The following GPR158 variants were observed in gnomAD, a reference collection of about 807,000 sequenced individuals.
The protein encoded by GPR158 is metabotropic glycine receptor.
GPR158 carries 30 observed loss-of-function variants against 78.2 expected under a neutral mutation model. That is an observed-to-expected ratio of 0.38 (90% CI 0.29 to 0.52). The LOEUF (loss-of-function observed/expected upper bound fraction) is 0.52. Ranked by LOEUF, GPR158 falls within the 20% of genes least tolerant of loss-of-function variation. The pLI is 0.83. For missense variants in GPR158, 1,463 were observed against 1,523.5 expected, an observed-to-expected ratio of 0.96 and a Z score of 0.66; for synonymous variants, 581 against 591.1, an observed-to-expected ratio of 0.98 and a Z score of 0.25.
chr10:25,301,105 C>T (rs1254170227), intron 2 of GPR158, among the ~76,000 whole-genome samples: 1 of 152,140 alleles, frequency 6.6e-6, no homozygotes, highest in Non-Finnish European at 1.5e-5. Context: ...TATGGTTATA[C>T]TTGCCATTCT....
chr10:25,208,694 C>T (rs180896363), intron 1 of GPR158, among the ~76,000 whole-genome samples: 14 of 152,038 alleles, frequency 9.2e-5, no homozygotes, highest in Non-Finnish European at 1.9e-4. Flanking sequence ...ATTTCCCGAC[C>T]ACATGGTGGC....
chr10:25,452,972 A>G (rs1474110742), intron 4 of GPR158, among the ~76,000 whole-genome samples: 1 of 152,200 alleles, frequency 6.6e-6, no homozygotes, highest in Non-Finnish European at 1.5e-5. Flanking sequence ...GAGTGAGATC[A>G]TGCAGTATTT....
intron 4 of GPR158, among the ~76,000 whole-genome samples, chr10:25,416,043 G>T (rs1481063393): frequency 2.6e-5 from 4 of 152,070 alleles, no homozygotes; most frequent in Non-Finnish European, 5.9e-5. Context: ...TTTTAAAGGA[G>T]TTTACATATT....
chr10:25,348,047 TC>T (rs1486204586), intron 2 of GPR158, among the ~76,000 whole-genome samples: 21 of 152,066 alleles, frequency 1.4e-4, no homozygotes, highest in African/African-American at 5.1e-4. Flanking sequence ...GGCCTCTTCC[TC>T]CACATTTCTG....
At chr10:25,453,175 A>G (rs7921635) in intron 4 of GPR158, among the ~76,000 whole-genome samples, 102,400 of 152,102 alleles carry the variant, frequency 0.67, 35,968 homozygotes, top group East Asian at 0.99. Flanking sequence ...TAAATAATGC[A>G]CAGTGAACAT....
chr10:25,255,536 T>C (rs1048171324), intron 2 of GPR158, among the ~76,000 whole-genome samples: 15 of 152,180 alleles, frequency 9.9e-5, no homozygotes, highest in Non-Finnish European at 2.1e-4. Context: ...CCAAGTTCAT[T>C]CTGGTCCTTG....
chr10:25,295,558 C>T (rs1175752838), intron 2 of GPR158, among the ~76,000 whole-genome samples: 1 of 151,686 alleles, frequency 6.6e-6, no homozygotes, highest in Non-Finnish European at 1.5e-5. Flanking sequence ...GGACTACAGG[C>T]GCCCGCCACT....
intron 5 of GPR158, among the ~76,000 whole-genome samples, chr10:25,512,487 A>G (rs1489664443): frequency 2.0e-5 from 3 of 152,098 alleles, no homozygotes; most frequent in Admixed American, 1.3e-4. Flanking sequence ...AACAGCAACA[A>G]TTTGACTTCC....
At chr10:25,423,884 C>T (rs1260158040) in intron 4 of GPR158, among the ~76,000 whole-genome samples, 8 of 151,980 alleles carry the variant, frequency 5.3e-5, no homozygotes, top group South Asian at 2.1e-4. Context: ...ATTTATAATC[C>T]TTTGGGTATA....
intron 5 of GPR158, among the ~76,000 whole-genome samples, chr10:25,481,092 A>G (rs555661402): frequency 6.6e-6 from 1 of 152,186 alleles, no homozygotes; most frequent in African/African-American, 2.4e-5. Context: ...TTACAGGTTC[A>G]TGAGTGATTA....
At chr10:25,321,829 A>C (rs546912080) in intron 2 of GPR158, among the ~76,000 whole-genome samples, 1 of 152,306 alleles carries the variant, frequency 6.6e-6, no homozygotes, top group East Asian at 1.9e-4. Context: ...GGAGGATATA[A>C]CTTATGTGTA....
intron 4 of GPR158, among the ~76,000 whole-genome samples, chr10:25,449,515 A>G (rs1285616007): frequency 6.6e-6 from 1 of 152,204 alleles, no homozygotes; most frequent in Non-Finnish European, 1.5e-5. Flanking sequence ...GTGAGCACAA[A>G]ACATGGGGAA....
chr10:25,233,218 C>G (rs564428663), intron 2 of GPR158, among the ~76,000 whole-genome samples: 1 of 152,250 alleles, frequency 6.6e-6, no homozygotes, highest in Middle Eastern at 3.4e-3. Flanking sequence ...TTTTATAGCT[C>G]TTCAGGAAAG....
chr10:25,351,710 C>CT (rs66582925), intron 2 of GPR158, among the ~76,000 whole-genome samples: 25,074 of 135,260 alleles, frequency 0.19, 2,468 homozygotes, highest in African/African-American at 0.28. Flanking sequence ...GTTTTTCTTT[C>CT]TTTTTTTTTT....
chr10:25,479,649 A>G (rs1221870997), intron 5 of GPR158, among the ~76,000 whole-genome samples: 3 of 152,002 alleles, frequency 2.0e-5, no homozygotes, highest in African/African-American at 7.2e-5. Context: ...ACCTGACCTC[A>G]ATTGATCCAC....
At chr10:25,374,900 TA>T (rs567415182) in intron 2 of GPR158, among the ~76,000 whole-genome samples, 141 of 151,866 alleles carry the variant, frequency 9.3e-4, no homozygotes, top group African/African-American at 2.8e-3. Flanking sequence ...TTTTCTGGTT[TA>T]AATGCCTAAG....
intron 2 of GPR158, among the ~76,000 whole-genome samples, chr10:25,372,812 A>T (rs1364066624): frequency 1.3e-5 from 2 of 148,808 alleles, no homozygotes; most frequent in African/African-American, 5.0e-5. Flanking sequence ...TACATATGTA[A>T]CTAACCTGCA....
Position 25,175,714 on chromosome 10 carries a change from C to T in GPR158, c.294C>T (p.Asn98=), listed in dbSNP as rs753693801. 6.2e-7 allele frequency: 1 copy of T among 1,611,652 alleles called. No homozygotes were observed. Among genetic ancestry groups the T allele is most frequent in the South Asian group, 1.1e-5 (1 of 91,082 alleles). The change falls in exon 1 of 11, where the codon AAC becomes AAT. Residue 98 remains asparagine (N), a synonymous_variant. Transcript: ENST00000376351. This position sits in a 1 kb window ranked among gnomAD's most constrained non-coding sequence, Gnocchi z 6.4. ...TGDSHQLKRA[N]CSGRYELAGL... ...ACTCCCACCAGCTGAAGCGAGCCAA[C>T]TGCTCCGGCCGCTACGAGTTGGCGG...
chr10:25,275,940 T>C (rs1216279827), intron 2 of GPR158, among the ~76,000 whole-genome samples: 5 of 152,208 alleles, frequency 3.3e-5, no homozygotes, highest in African/African-American at 1.2e-4. Context: ...TATATTGCAC[T>C]TATTTATGTG....
Sources: allele counts gnomAD v4.1 joint callset (sites outside exome capture counted in the v4.1 genomes callset), GRCh38; gene constraint gnomAD v4.1.1; non-coding constraint Gnocchi (gnomAD v3.1); transcripts MANE v1.5; gene names NCBI Gene and HGNC (gene_info 2026-07-23, HGNC 2026-07-21).